PECR: variants seen among roughly 807,000 people sequenced by gnomAD.
PECR encodes the protein peroxisomal trans-2-enoyl-CoA reductase.
PECR carries 30 observed loss-of-function variants against 35.3 expected under a neutral mutation model. The ratio of observed to expected loss-of-function variants is 0.85; its 90% CI spans 0.64 to 1.15. The LOEUF (loss-of-function observed/expected upper bound fraction) is 1.15, where lower values mean the gene tolerates loss of function less well. Ranked by LOEUF, PECR falls within the 50% of genes most tolerant of loss-of-function variation. The probability of loss-of-function intolerance (pLI) is 0.00; values close to 1 mark genes in which losing one functional copy is unlikely to be tolerated. For missense variants in PECR, 392 were observed against 370.8 expected (o/e 1.06, Z -0.47); for synonymous variants, 148 against 138.9 (o/e 1.07, Z -0.46).
downstream of PECR, among the ~76,000 whole-genome samples, chr2:216,035,999 G>T (rs1694787653): frequency 6.6e-6 from 1 of 152,186 alleles, no homozygotes; most frequent in South Asian, 2.1e-4. Flanking sequence ...ACCTCTTCCA[G>T]GCAAGAGTTT....
Position 216,039,065 on chromosome 2 carries a change from C to A in PECR, c.*210G>T, listed in dbSNP as rs1694844481. 4.7e-6 allele frequency: 2 copies of A among 425,284 alleles called. No individual in the cohort carries two copies. The highest frequency in any genetic ancestry group is 4.3e-6 in the Non-Finnish European group (1 of 234,968). The allele number at this position is 425,284 out of a possible 1,614,324, so 26.3% of individuals were successfully genotyped here. A position where few individuals can be genotyped will look rare whatever the true frequency, so the allele number is the denominator to read the frequency against. ...CATTAAAATATGTTAATTTCTGTTA[C>A]TTATACATTTTTAAATCATAGGTTA... is the stretch of plus-strand genomic sequence containing the variant. On this transcript the variant is annotated 3_prime_UTR_variant, in exon 8 of 8. Transcript: ENST00000265322.
intron 4 of PECR, among the ~76,000 whole-genome samples, chr2:216,054,401 C>T (rs1379546663): frequency 8.6e-6 from 1 of 116,002 alleles, no homozygotes; most frequent in Non-Finnish European, 1.7e-5. Flanking sequence ...GGAGGGGGTA[C>T]AGAGTCTCAC....
chr2:216,051,377 C>G (rs1348337644), intron 5 of PECR, 72 bp downstream of exon 5: 1 of 890,244 alleles, frequency 1.1e-6, no homozygotes, highest in Non-Finnish European at 1.9e-6. Context: ...TACCAAATAC[C>G]TCTATCAACA....
intron 6 of PECR, among the ~76,000 whole-genome samples, chr2:216,046,386 C>T (rs1242086521): frequency 6.8e-6 from 1 of 147,156 alleles, no homozygotes; most frequent in Non-Finnish European, 1.5e-5. Context: ...TCTCTGCTCA[C>T]TGCAACCTCC....
intron 3 of PECR, among the ~76,000 whole-genome samples, chr2:216,063,165 TA>T (rs1490673740): frequency 2.6e-5 from 4 of 152,250 alleles, no homozygotes; most frequent in Non-Finnish European, 4.4e-5. Flanking sequence ...CTGGCAGTGA[TA>T]TCTGGCAATA....
At chr2:216,046,496 T>C (rs963963458) in intron 6 of PECR, among the ~76,000 whole-genome samples, 3 of 151,640 alleles carry the variant, frequency 2.0e-5, no homozygotes, top group African/African-American at 7.3e-5. Flanking sequence ...TTTTTTAGTA[T>C]AGACGGGGTT....
chr2:216,059,126 C>A (rs1257385672), intron 3 of PECR, 150 bp from the exon 4 acceptor site: 5 of 672,758 alleles, frequency 7.4e-6, no homozygotes, highest in African/African-American at 3.6e-5. Context: ...ATTTATACAT[C>A]ATAAAATTCA....
At chr2:216,066,597 C>T (rs372244601) in intron 1 of PECR, 79 bp from the exon 2 acceptor site, 12 of 1,296,778 alleles carry the variant, frequency 9.3e-6, no homozygotes, top group South Asian at 8.3e-5. Flanking sequence ...AAAAGTAAAC[C>T]GCCAGGGAAC....
At chr2:216,063,557 G>A (rs969065107) in intron 3 of PECR, among the ~76,000 whole-genome samples, 1 of 151,928 alleles carries the variant, frequency 6.6e-6, no homozygotes, top group Non-Finnish European at 1.5e-5. Flanking sequence ...GGTGGAGGTT[G>A]CAGTGAGCAG....
At chr2:216,067,720 C>T (rs557400452) in intron 1 of PECR, among the ~76,000 whole-genome samples, 1 of 152,016 alleles carries the variant, frequency 6.6e-6, no homozygotes, top group East Asian at 1.9e-4. Context: ...CCAGGCCTGG[C>T]TAATTTTTGT....
intron 1 of PECR, among the ~76,000 whole-genome samples, chr2:216,076,074 T>A (rs534076366): frequency 6.6e-6 from 1 of 152,318 alleles, no homozygotes; most frequent in African/African-American, 2.4e-5. Context: ...ATATCCTGCT[T>A]TTGTGAGCTA....
intron 5 of PECR, among the ~76,000 whole-genome samples, chr2:216,049,723 T>C (rs1298120356): frequency 6.6e-6 from 1 of 152,248 alleles, no homozygotes; most frequent in Non-Finnish European, 1.5e-5. Flanking sequence ...AGTTTCCATT[T>C]GGCTTCTCTG....
At chr2:216,076,842 A>G (rs181308655) in intron 1 of PECR, among the ~76,000 whole-genome samples, 140 of 152,234 alleles carry the variant, frequency 9.2e-4, no homozygotes, top group African/African-American at 3.2e-3. Flanking sequence ...TTACTTGGAG[A>G]AATGCATACC....
chr2:216,070,559 T>A (rs567586109), intron 1 of PECR, among the ~76,000 whole-genome samples: 1 of 152,210 alleles, frequency 6.6e-6, no homozygotes, highest in Non-Finnish European at 1.5e-5. Flanking sequence ...CTACTTACTA[T>A]TTGAGACGGT....
chr2:216,081,735 A>G lies in PECR; in HGVS notation c.7T>C (p.Ser3Pro). 1 of 1,613,196 alleles carries G rather than the reference A, an allele frequency of 6.2e-7. No individual in the cohort carries two copies. Residue 3 changes from serine to proline, a missense_variant, in exon 1 of 8, where the codon TCC (serine) becomes CCC (proline). Physicochemically the swap from Ser to Pro is moderately conservative, Grantham distance 74. Transcript: ENST00000265322. MA[S>P]WAKGRSYLAP... ...AGGTAGCTCCTGCCCTTAGCCCAGG[A>G]GGCCATCCCTGCAGCGGGGTGCCAG... is the stretch of plus-strand genomic sequence containing the variant.
chr2:216,051,239 T>C (rs1439439511), intron 5 of PECR, among the ~76,000 whole-genome samples: 1 of 132,652 alleles, frequency 7.5e-6, no homozygotes, highest in African/African-American at 3.0e-5. Flanking sequence ...TGAGCCACGA[T>C]CATGCCACTG....
intron 3 of PECR, among the ~76,000 whole-genome samples, chr2:216,063,554 G>T (rs1205904565): frequency 6.6e-6 from 1 of 151,962 alleles, no homozygotes; most frequent in Non-Finnish European, 1.5e-5. Context: ...GGAGGTGGAG[G>T]TTGCAGTGAG....
chr2:216,040,894 C>T (rs1166812713), intron 7 of PECR, among the ~76,000 whole-genome samples: 1 of 151,944 alleles, frequency 6.6e-6, no homozygotes, highest in Admixed American at 6.6e-5. Context: ...AAGAAAAAGT[C>T]CCTTATCTAA....
In PECR at chr2:216,051,813, A is replaced by G. The variant is rs144078233; in HGVS notation, c.507-268T>C. ...AATCACTACGTAAGAGGAATACTTT[A>G]AAGAACTTTGATTACAAAGGAAAAC... is the stretch of plus-strand genomic sequence containing the variant. On this transcript the variant is annotated intron_variant, in intron 4 of 7. Transcript: ENST00000265322. Among the ~76,000 whole-genome samples, 874 of 152,360 alleles carry G rather than the reference A, an allele frequency of 5.7e-3. 12 individuals carry two copies. The highest frequency in any genetic ancestry group is 0.02 in the African/African-American group (829 of 41,584).
Sources: allele counts gnomAD v4.1 joint callset (sites outside exome capture counted in the v4.1 genomes callset), GRCh38; gene constraint gnomAD v4.1.1; transcripts MANE v1.5; gene names NCBI Gene and HGNC (gene_info 2026-07-23, HGNC 2026-07-21).